Variants in EMSY observed in about 807,000 individuals in gnomAD.
EMSY encodes the protein BRCA2-interacting transcriptional repressor EMSY.
In EMSY, 26 loss-of-function variants were observed where a neutral mutation model predicts 134.6. The observed-to-expected ratio is 0.19, with a 90% CI of 0.14 to 0.27. The LOEUF (loss-of-function observed/expected upper bound fraction) is 0.27. Ranked by LOEUF, EMSY falls within the 10% of genes least tolerant of loss-of-function variation. The pLI is 1.00. For missense variants in EMSY, 1,305 were observed against 1,611.4 expected (o/e 0.81, Z 3.26); for synonymous variants, 579 against 577.8 (o/e 1.00, Z -0.03).
intron 17 of EMSY, 87 bp downstream of exon 18, chr11:76,539,727 C>A: frequency 8.0e-7 from 1 of 1,254,456 alleles, no homozygotes; most frequent in South Asian, 1.2e-5. Flanking sequence ...GCGCTCTACT[C>A]TCATCTGGTA....
chr11:76,507,960 C>T (rs1299906019), intron 9 of EMSY, among the ~76,000 whole-genome samples: 2 of 150,718 alleles, frequency 1.3e-5, no homozygotes, highest in Non-Finnish European at 2.9e-5. Flanking sequence ...AACCTCCTGG[C>T]TCAAGCAGTC....
intron 7 of EMSY, among the ~76,000 whole-genome samples, chr11:76,467,471 A>G (rs981662719): frequency 6.6e-6 from 1 of 152,218 alleles, no homozygotes; most frequent in African/African-American, 2.4e-5. Flanking sequence ...TTGATATTAT[A>G]TTGCAAAGTT....
chr11:76,469,344 C>T (rs1948483987), intron 7 of EMSY, among the ~76,000 whole-genome samples: 1 of 152,136 alleles, frequency 6.6e-6, no homozygotes, highest in Non-Finnish European at 1.5e-5. Context: ...CAGGAAGCTA[C>T]TACAATTAGT....
intron 18 of EMSY, among the ~76,000 whole-genome samples, chr11:76,543,449 TG>T (rs1420384912): frequency 6.6e-6 from 1 of 152,168 alleles, no homozygotes; most frequent in African/African-American, 2.4e-5. Flanking sequence ...GAGGTTTTGT[TG>T]GGCGGCAGGT....
At chr11:76,463,419 C>T (rs1297318182) in intron 6 of EMSY, among the ~76,000 whole-genome samples, 25 of 149,932 alleles carry the variant, frequency 1.7e-4, no homozygotes, top group Non-Finnish European at 2.4e-4. Context: ...GTCAGGAGAT[C>T]GAGACCATCC....
At chr11:76,508,560 A>G (rs1279680127) in intron 9 of EMSY, among the ~76,000 whole-genome samples, 2 of 152,210 alleles carry the variant, frequency 1.3e-5, no homozygotes, top group East Asian at 1.9e-4. Context: ...AGTCCCTAAC[A>G]AGAGAGTCAG....
intron 20 of EMSY, chr11:76,546,950 A>G (rs1591035209): frequency 2.6e-6 from 1 of 389,710 alleles, no homozygotes; most frequent in Non-Finnish European, 5.0e-6. Context: ...TAATTAACAC[A>G]ATAGAATTAT....
intron 8 of EMSY, among the ~76,000 whole-genome samples, chr11:76,487,091 C>T (rs1374308314): frequency 1.3e-5 from 2 of 152,174 alleles, no homozygotes; most frequent in African/African-American, 2.4e-5. Context: ...TCCTGGCTAA[C>T]ACGGTGAAAA....
chr11:76,512,192 C>G (rs1289788066), intron 9 of EMSY, among the ~76,000 whole-genome samples: 1 of 150,914 alleles, frequency 6.6e-6, no homozygotes, highest in Non-Finnish European at 1.5e-5. Context: ...CAAAAATTTC[C>G]TTCCTTAGCT....
chr11:76,488,406 G>A (rs558987402), intron 8 of EMSY, among the ~76,000 whole-genome samples: 2 of 152,320 alleles, frequency 1.3e-5, no homozygotes, highest in Middle Eastern at 3.4e-3. Context: ...TTTGGAGGCT[G>A]CATTGAGCTA....
chr11:76,529,007 C>G (rs1950942164), intron 14 of EMSY, among the ~76,000 whole-genome samples: 1 of 152,108 alleles, frequency 6.6e-6, no homozygotes, highest in African/African-American at 2.4e-5. Context: ...CCCAGATAAT[C>G]ATATGGTTGT....
chr11:76,521,534 A>C (rs1469989659), intron 11 of EMSY, among the ~76,000 whole-genome samples: 11 of 152,088 alleles, frequency 7.2e-5, no homozygotes, highest in Admixed American at 7.2e-4. Flanking sequence ...AGGCTGAAGC[A>C]GGAGGATCCC....
chr11:76,530,397 G>A (rs1950996191), intron 14 of EMSY, among the ~76,000 whole-genome samples: 1 of 152,052 alleles, frequency 6.6e-6, no homozygotes, highest in African/African-American at 2.4e-5. Flanking sequence ...CTGACTTCAA[G>A]TAATCCACCC....
At chr11:76,531,337 A>T (rs1951033746) in intron 14 of EMSY, among the ~76,000 whole-genome samples, 1 of 152,222 alleles carries the variant, frequency 6.6e-6, no homozygotes, top group African/African-American at 2.4e-5. Flanking sequence ...CATTGCATTT[A>T]GCTGCATTTA....
At chr11:76,478,714 G>A (rs557189081) in intron 8 of EMSY, among the ~76,000 whole-genome samples, 3 of 151,406 alleles carry the variant, frequency 2.0e-5, no homozygotes, top group South Asian at 2.1e-4. Context: ...TTCATATATC[G>A]TTGCTTCGTT....
intron 8 of EMSY, among the ~76,000 whole-genome samples, chr11:76,475,106 G>A (rs118116165): frequency 0.017 from 2,591 of 152,224 alleles, 51 homozygotes; most frequent in East Asian, 0.093. Flanking sequence ...TGTTTAAAAT[G>A]TTGGTTACAA....
intron 9 of EMSY, among the ~76,000 whole-genome samples, chr11:76,508,091 A>T (rs972514552): frequency 2.0e-5 from 3 of 151,930 alleles, no homozygotes; most frequent in Non-Finnish European, 4.4e-5. Context: ...GACTGGTCTC[A>T]AACTCCTGGG....
chr11:76,486,630 GA>G (rs1034772473), intron 8 of EMSY, among the ~76,000 whole-genome samples: 4 of 151,892 alleles, frequency 2.6e-5, no homozygotes, highest in African/African-American at 7.3e-5. Context: ...TGTCAAATGA[GA>G]AAAAAATGAT....
intron 10 of EMSY, among the ~76,000 whole-genome samples, chr11:76,513,775 G>A (rs933076320): frequency 2.0e-5 from 3 of 152,014 alleles, no homozygotes; most frequent in South Asian, 4.1e-4. Context: ...TAGGTATCTA[G>A]TTGTATATTG....
Sources: gnomAD v4.1 joint callset for allele counts (sites outside exome capture counted in the v4.1 genomes callset) on GRCh38, gnomAD v4.1.1 for gene constraint, MANE v1.5 for transcripts, NCBI Gene and HGNC (gene_info 2026-07-23, HGNC 2026-07-21) for gene names.